CLDND1: variants seen among roughly 807,000 people sequenced by gnomAD.
The protein encoded by CLDND1 is claudin domain containing 1.
In CLDND1, 13 loss-of-function variants were observed where a neutral mutation model predicts 26.3. The ratio of observed to expected loss-of-function variants is 0.49; its 90% CI spans 0.32 to 0.78. The LOEUF (loss-of-function observed/expected upper bound fraction) is 0.78. CLDND1 is among the 30% of genes least tolerant of loss of function. The pLI is 0.03. For synonymous variants in CLDND1, 107 were observed against 107.0 expected, an observed-to-expected ratio of 1.00 and a Z score of 0.00; for missense variants, 289 against 312.8, an observed-to-expected ratio of 0.92 and a Z score of 0.57.
intron 1 of CLDND1, chr3:98,521,940 G>A (rs573580980): frequency 1.3e-4 from 67 of 504,598 alleles, no homozygotes; most frequent in African/African-American, 1.1e-3. Flanking sequence ...AAAGGTAAGA[G>A]TCAGGAGCCA....
intron 1 of CLDND1, 62 bp downstream of exon 1, chr3:98,522,787 C>T (rs1461784953): frequency 5.6e-6 from 9 of 1,613,090 alleles, no homozygotes; most frequent in South Asian, 1.1e-5. Context: ...CCTCTTCAAA[C>T]CGCCGGGAAC....
rs1706166020 is a variant in CLDND1, at chr3:98,516,939, C to T, written c.542-60G>A. ...GGCTGGATAAAAGCACAGTAAAGAGCTTTTCAGGCAATGTGACAGGGCAGT... is the reference window on the plus strand; with the variant it reads ...GGCTGGATAAAAGCACAGTAAAGAGTTTTTCAGGCAATGTGACAGGGCAGT... On this transcript the variant is annotated intron_variant, in intron 4 of 4. Transcript: ENST00000341181. 4.4e-6 allele frequency: 7 copies of T among 1,608,742 alleles called. No homozygotes were observed. The South Asian group carries it at 7.7e-5, about 18-fold the overall frequency.
chr3:98,522,167 GCT>G (rs1162861520), intron 1 of CLDND1: 1 of 159,592 alleles, frequency 6.3e-6, no homozygotes, highest in Non-Finnish European at 1.4e-5. Flanking sequence ...CAGAAATCTT[GCT>G]CTCTCCCTAA....
At position 98,516,883 on chromosome 3, in the gene CLDND1, G is replaced by C. The variant is rs962964898; in HGVS notation, c.542-4C>G. 2.5e-6 allele frequency: 4 copies of C among 1,613,646 alleles called. No individual in the cohort carries two copies. In the African/African-American group the frequency reaches 5.3e-5, roughly 22 times the overall value. ...ACTGAGCCCAGTGTACACAGACCTT[G>C]GGGGAAAATTTAGAAAACAAAACAA... On this transcript the variant is annotated splice_polypyrimidine_tract_variant and splice_region_variant and intron_variant, in intron 4 of 4. Transcript: ENST00000341181.
intron 3 of CLDND1, among the ~76,000 whole-genome samples, chr3:98,517,880 A>C (rs1418769266): frequency 2.6e-5 from 4 of 152,126 alleles, no homozygotes; most frequent in Non-Finnish European, 5.9e-5. Context: ...AATCAGTCTG[A>C]CTCTACCTAC....
chr3:98,521,646 C>CACAT (rs1444615883), intron 1 of CLDND1: 2 of 1,608,568 alleles, frequency 1.2e-6, no homozygotes, highest in Non-Finnish European at 1.7e-6. Flanking sequence ...ATTGAATGCT[C>CACAT]ACATACCCAG....
intron 3 of CLDND1, among the ~76,000 whole-genome samples, chr3:98,518,251 T>A (rs985535794): frequency 6.6e-6 from 1 of 152,218 alleles, no homozygotes; most frequent in Non-Finnish European, 1.5e-5. Context: ...ACACATTCTC[T>A]TTATAAAACT....
chr3:98,520,064 T>C (rs1165120220), intron 2 of CLDND1, among the ~76,000 whole-genome samples: 1 of 152,228 alleles, frequency 6.6e-6, no homozygotes, highest in Admixed American at 6.5e-5. Flanking sequence ...TTTATACTGT[T>C]ATATTCTGTT....
At chr3:98,522,808 G>A (rs773471437) in intron 1 of CLDND1, 41 bp downstream of exon 1, 4 of 1,613,446 alleles carry the variant, frequency 2.5e-6, no homozygotes, top group Non-Finnish European at 2.5e-6. Flanking sequence ...ATGGAACCGC[G>A]ACGCGACCCC....
chr3:98,520,357 C>T (rs1439179067), intron 2 of CLDND1, among the ~76,000 whole-genome samples: 1 of 152,164 alleles, frequency 6.6e-6, no homozygotes, highest in East Asian at 1.9e-4. Flanking sequence ...GACATATTAT[C>T]ATCCTTTTGA....
chr3:98,521,022 T>C (rs1706385033), intron 2 of CLDND1, 111 bp downstream of exon 2: 1 of 885,200 alleles, frequency 1.1e-6, no homozygotes, highest in Non-Finnish European at 1.8e-6. Flanking sequence ...TTTATTTCTT[T>C]AAGGAGAGAG....
chr3:98,522,627 G>C (rs940378395), intron 1 of CLDND1: 31 of 1,392,054 alleles, frequency 2.2e-5, no homozygotes, highest in Non-Finnish European at 2.8e-5. Flanking sequence ...GGCGGGGCCG[G>C]AGAAGGCCAG....
At chr3:98,522,489 T>A in intron 1 of CLDND1, 1 of 1,141,106 alleles carries the variant, frequency 8.8e-7, no homozygotes. Flanking sequence ...AAAGTTGGAT[T>A]TGTATTTTGA....
intron 2 of CLDND1, 35 bp from the exon 3 acceptor site, chr3:98,519,030 T>A (rs774067807): frequency 2.1e-5 from 25 of 1,213,064 alleles, no homozygotes; most frequent in Non-Finnish European, 2.9e-5. Context: ...GTTTTAATTA[T>A]AAACATTTAA....
intron 1 of CLDND1, chr3:98,522,365 C>T: frequency 4.5e-6 from 1 of 221,110 alleles, no homozygotes; most frequent in Non-Finnish European, 8.0e-6. Context: ...ACACCGTGAC[C>T]GCACCAAACA....
chr3:98,515,712 T>C lies in CLDND1; in HGVS notation c.*947A>G, dbSNP rs1706108120. The C allele has an allele frequency of 1.6e-6, 2 of 1,289,526 alleles. No homozygotes were observed. Among genetic ancestry groups the C allele is most frequent in the Non-Finnish European group, 2.0e-6 (2 of 988,692 alleles). 79.9% of individuals were successfully genotyped at this position (1,289,526 alleles called of 1,614,324 possible). On this transcript the variant is annotated 3_prime_UTR_variant, in exon 5 of 5. Coordinates refer to ENST00000341181, the MANE Select transcript of CLDND1 (RefSeq NM_001040181.2). ...GATTTAGGCAAGGAAAGGCACATCA[T>C]ATTACCACAAGAAATAAAGACCATA...
Position 98,516,850 on chromosome 3 carries a change from A to G in CLDND1, c.571T>C (p.Tyr191His), listed in dbSNP as rs756974477. 8.1e-6 allele frequency: 13 copies of G among 1,614,084 alleles called. No homozygotes were observed. The highest frequency in any genetic ancestry group is 1.0e-5 in the Non-Finnish European group (12 of 1,180,034). ...TGGAGTAGTTCAATTCCAGCAACAT[A>G]ACAACTTACTGAGCCCAGTGTACAC... ...GLCTLGSVSCYVAGIELLHQK... is the reference protein window; with the variant it reads ...GLCTLGSVSCHVAGIELLHQK... Residue 191 changes from tyrosine (Y) to histidine (H), a missense_variant, in exon 5 of 5, where the codon TAT becomes CAT. Coordinates refer to ENST00000341181, the MANE Select transcript of CLDND1 (RefSeq NM_001040181.2).
chr3:98,517,279 C>A lies in CLDND1; in HGVS notation c.404-90G>T, dbSNP rs757195449. On this transcript the variant is annotated intron_variant, in intron 3 of 4. Transcript: ENST00000341181. ...AATTTCTTTCATATTCTAATTAGATCTTTTCTCAAAAAGTGTGAAAGTATT... is the reference window on the plus strand; with the variant it reads ...AATTTCTTTCATATTCTAATTAGATATTTTCTCAAAAAGTGTGAAAGTATT... The A allele has an allele frequency of 1.0e-4, 146 of 1,431,358 alleles. No homozygotes were observed. The African/African-American group carries it at 1.8e-3, about 17-fold the overall frequency. 88.7% of individuals were successfully genotyped at this position (1,431,358 alleles called of 1,614,324 possible).
In CLDND1 at chr3:98,516,263, G is replaced by A. The variant is rs1706132478; in HGVS notation, c.*396C>T. 3 of 1,028,120 alleles carry A rather than the reference G, an allele frequency of 2.9e-6. No individual in the cohort carries two copies. Among genetic ancestry groups the A allele is most frequent in the Non-Finnish European group, 1.2e-6 (1 of 856,370 alleles). The allele number at this position is 1,028,120 out of a possible 1,614,324, so 63.7% of individuals were successfully genotyped here. On this transcript the variant is annotated 3_prime_UTR_variant, in exon 5 of 5. Transcript: ENST00000341181. ...AAAGTGAACATAAAGTTTTGACGAT[G>A]AGAGGTTTCCCAAAGAAACTAATAT...
Sources: gnomAD v4.1 joint callset for allele counts (sites outside exome capture counted in the v4.1 genomes callset) on GRCh38, gnomAD v4.1.1 for gene constraint, MANE v1.5 for transcripts, NCBI Gene and HGNC (gene_info 2026-07-23, HGNC 2026-07-21) for gene names.